XKR6: variants seen among roughly 807,000 people sequenced by gnomAD.
XKR6 encodes XK related 6.
XKR6 carries 22 observed loss-of-function variants against 56.7 expected under a neutral mutation model. The ratio of observed to expected loss-of-function variants is 0.39; its 90% CI spans 0.28 to 0.55. The LOEUF (loss-of-function observed/expected upper bound fraction) is 0.55. Among genes scored for constraint, XKR6 ranks in the 20% least tolerant of loss-of-function variants. The probability of loss-of-function intolerance (pLI) is 0.66; values close to 1 mark genes in which losing one functional copy is unlikely to be tolerated. For missense variants in XKR6, 852 were observed against 889.0 expected (o/e 0.96, Z 0.53); for synonymous variants, 524 against 387.8 (o/e 1.35, Z -4.13).
At chr8:11,065,631 G>A (rs1435763700) in intron 1 of XKR6, among the ~76,000 whole-genome samples, 1 of 151,956 alleles carries the variant, frequency 6.6e-6, no homozygotes, top group Non-Finnish European at 1.5e-5. Flanking sequence ...GCCTCGAGAA[G>A]GTTAGTATTC....
At chr8:11,128,307 C>A (rs1799930710) in intron 1 of XKR6, among the ~76,000 whole-genome samples, 1 of 152,140 alleles carries the variant, frequency 6.6e-6, no homozygotes, top group Admixed American at 6.6e-5. Context: ...GTTCCCAGGC[C>A]TTCCTGTCTA....
intron 1 of XKR6, among the ~76,000 whole-genome samples, chr8:11,149,286 T>C (rs186687324): frequency 6.6e-6 from 1 of 152,214 alleles, no homozygotes; most frequent in Non-Finnish European, 1.5e-5. Flanking sequence ...CAAACCTGCA[T>C]GGCAGGCTAC....
chr8:11,028,619 T>G (rs1043111808), intron 1 of XKR6, among the ~76,000 whole-genome samples: 1 of 152,222 alleles, frequency 6.6e-6, no homozygotes, highest in East Asian at 1.9e-4. Context: ...GAGCTCCACC[T>G]TTCTGGCCAG....
Position 11,167,646 on chromosome 8 carries a change from A to T in XKR6, c.764+32930T>A, listed in dbSNP as rs111503801. On this transcript the variant is annotated intron_variant, in intron 1 of 2. Coordinates refer to ENST00000416569, the MANE Select transcript of XKR6 (RefSeq NM_173683.4). ...AAATTAGAAAGCCACACACATGCTC[A>T]GAATAAAACCCAGGAAGACCTTAAG... 2.1e-3 allele frequency among the ~76,000 whole-genome samples: 318 copies of T among 152,344 alleles called. 1 individual carries two copies. The highest frequency in any genetic ancestry group is 7.3e-3 in the African/African-American group (303 of 41,582).
intron 1 of XKR6, among the ~76,000 whole-genome samples, chr8:11,122,554 T>C (rs1051035089): frequency 6.6e-6 from 1 of 152,244 alleles, no homozygotes; most frequent in Admixed American, 6.5e-5. Flanking sequence ...GTGGCAGGTA[T>C]AAGATTTTGA....
chr8:10,902,462 A>T (rs948375638), intron 2 of XKR6, among the ~76,000 whole-genome samples: 1 of 152,130 alleles, frequency 6.6e-6, no homozygotes, highest in Non-Finnish European at 1.5e-5. Flanking sequence ...TGAGGATGGC[A>T]TGCTTCCTGC....
At chr8:11,037,028 T>C (rs1799163952) in intron 1 of XKR6, among the ~76,000 whole-genome samples, 2 of 152,216 alleles carry the variant, frequency 1.3e-5, no homozygotes, top group African/African-American at 2.4e-5. Flanking sequence ...CTGCAGGTTT[T>C]TGTATTTATT....
chr8:10,984,732 C>CTCTCTCTCTCTCTCTCTCTCTCTATATA, intron 1 of XKR6, among the ~76,000 whole-genome samples: 3 of 47,488 alleles, frequency 6.3e-5, no homozygotes, highest in African/African-American at 9.0e-5. Context: ...CTCTCTCTCT[C>CTCTCTCTCTCTCTCTCTCTCTCTATATA]TATATATATA....
intron 2 of XKR6, among the ~76,000 whole-genome samples, chr8:10,904,522 G>A (rs907243560): frequency 2.0e-5 from 3 of 152,132 alleles, no homozygotes; most frequent in African/African-American, 7.2e-5. Context: ...CCTACTGAAT[G>A]AGAAGCACAG....
At chr8:11,017,019 G>A (rs1211779947) in intron 1 of XKR6, among the ~76,000 whole-genome samples, 1 of 152,248 alleles carries the variant, frequency 6.6e-6, no homozygotes, top group South Asian at 2.1e-4. Context: ...GTAGATGGTA[G>A]AGATTTGCAT....
intron 1 of XKR6, chr8:11,104,594 T>C (rs772529545): frequency 7.9e-5 from 12 of 152,218 alleles, no homozygotes; most frequent in Non-Finnish European, 1.6e-4. Flanking sequence ...TTAATAAAAG[T>C]AGTTAATCAC....
chr8:11,138,398 G>C (rs554276020), intron 1 of XKR6: 7 of 152,396 alleles, frequency 4.6e-5, no homozygotes, highest in Non-Finnish European at 8.8e-5. Context: ...GTTTCTAGCT[G>C]TTAACAATTA....
chr8:11,122,514 GCTGA>G (rs1301415487), intron 1 of XKR6, among the ~76,000 whole-genome samples: 10 of 152,202 alleles, frequency 6.6e-5, no homozygotes, highest in African/African-American at 2.4e-4. Context: ...TACTGTCACT[GCTGA>G]CTACTAGCCA....
intron 1 of XKR6, among the ~76,000 whole-genome samples, chr8:11,103,336 C>A (rs1798555832): frequency 6.6e-6 from 1 of 152,146 alleles, no homozygotes; most frequent in South Asian, 2.1e-4. Context: ...TGAAGAGATT[C>A]AAACATTCAG....
At chr8:10,928,105 G>C (rs1586316127) in intron 1 of XKR6, among the ~76,000 whole-genome samples, 1 of 152,172 alleles carries the variant, frequency 6.6e-6, no homozygotes, top group East Asian at 1.9e-4. Flanking sequence ...AATTAGGTCT[G>C]GACCCTGGAG....
At chr8:11,195,567 G>GT (rs1050602347) in intron 1 of XKR6, among the ~76,000 whole-genome samples, 1 of 151,352 alleles carries the variant, frequency 6.6e-6, no homozygotes, top group South Asian at 2.1e-4. Flanking sequence ...ATTCTTCAAA[G>GT]TTTTTTTTGA....
intron 1 of XKR6, among the ~76,000 whole-genome samples, chr8:11,090,406 T>A (rs62847265): frequency 4.8e-5 from 2 of 41,334 alleles, no homozygotes; most frequent in African/African-American, 3.1e-4. Flanking sequence ...TTTTTAATGG[T>A]TTTTTTTTTT....
At position 11,133,295 on chromosome 8, in the gene XKR6, G is replaced by A. The variant is rs538680449; in HGVS notation, c.764+67281C>T. 5.9e-5 allele frequency among the ~76,000 whole-genome samples: 9 copies of A among 152,206 alleles called. 1 individual carries two copies. Among genetic ancestry groups the A allele is most frequent in the African/African-American group, 1.9e-4 (8 of 41,486 alleles). On this transcript the variant is annotated intron_variant, in intron 1 of 2. Transcript: ENST00000416569. ...AAAATACGGCGTCAGCTTCACATCA[G>A]GCCCTCCTTTGTGAGAGGCAAGGTG...
chr8:11,201,655 C>T lies in XKR6; in HGVS notation c.-316G>A, dbSNP rs1363246024. On this transcript the variant is annotated 5_prime_UTR_variant, in exon 1 of 3. Transcript: ENST00000416569. Reference sequence around the variant, plus strand: ...GGGGGTTCTCCCCGCCAGGGCTCCCCTTCCCCTCTTCCGTTGACCCCGAAA... The same window carrying T: ...GGGGGTTCTCCCCGCCAGGGCTCCCTTTCCCCTCTTCCGTTGACCCCGAAA... Among the ~76,000 whole-genome samples, 1 of 152,212 alleles carries T rather than the reference C, an allele frequency of 6.6e-6. No homozygotes were observed. Among genetic ancestry groups the T allele is most frequent in the African/African-American group, 2.4e-5 (1 of 41,462 alleles).
Sources: gnomAD v4.1 joint callset for allele counts (sites outside exome capture counted in the v4.1 genomes callset) on GRCh38, gnomAD v4.1.1 for gene constraint, MANE v1.5 for transcripts, NCBI Gene and HGNC (gene_info 2026-07-23, HGNC 2026-07-21) for gene names.